F13A1: variants seen among roughly 807,000 people sequenced by gnomAD.
The protein encoded by F13A1 is FSF, A subunit.
A neutral mutation model predicts 80.1 loss-of-function variants in F13A1; 47 were observed. The observed-to-expected ratio is 0.59, with a 90% CI of 0.46 to 0.75. The LOEUF is 0.75. Ranked by LOEUF, F13A1 falls within the 30% of genes least tolerant of loss-of-function variation. The pLI is 0.00. For synonymous variants in F13A1, 349 were observed against 344.9 expected (o/e 1.01, Z -0.13); for missense variants, 817 against 930.4 (o/e 0.88, Z 1.59).
intron 8 of F13A1, among the ~76,000 whole-genome samples, chr6:6,221,103 G>T (rs1285855383): frequency 6.6e-6 from 1 of 152,198 alleles, no homozygotes; most frequent in Non-Finnish European, 1.5e-5. Context: ...TTTTGGCTTA[G>T]AAGTTCTACC....
chr6:6,178,182 G>T lies in F13A1; in HGVS notation c.1460-3315C>A, dbSNP rs1194117089. On this transcript the variant is annotated intron_variant, in intron 11 of 14. Coordinates refer to ENST00000264870, the MANE Select transcript of F13A1 (RefSeq NM_000129.4). ...GGTGAGGTGGAATTGGGAAGCTAGA[G>T]CAAGTATTTTTCCAGGAGAAAACTA... 2.6e-5 allele frequency among the ~76,000 whole-genome samples: 4 copies of T among 152,258 alleles called. No homozygotes were observed. The East Asian group carries it at 5.8e-4, about 22-fold the overall frequency.
chr6:6,267,737 A>AT (rs998186420), intron 3 of F13A1, among the ~76,000 whole-genome samples: 38 of 139,910 alleles, frequency 2.7e-4, no homozygotes, highest in African/African-American at 5.9e-4. Context: ...TTAATGATAG[A>AT]TTTAAAAAAA....
intron 3 of F13A1, among the ~76,000 whole-genome samples, chr6:6,276,197 G>A (rs781186785): frequency 2.6e-5 from 4 of 152,164 alleles, no homozygotes; most frequent in Non-Finnish European, 5.9e-5. Context: ...ATGTTCCCAC[G>A]CTCCTCTGCT....
At chr6:6,209,223 A>G (rs1457446241) in intron 8 of F13A1, among the ~76,000 whole-genome samples, 9 of 152,094 alleles carry the variant, frequency 5.9e-5, no homozygotes, top group Non-Finnish European at 1.3e-4. Flanking sequence ...GCCAAGAAAA[A>G]CACAAAAAGA....
rs191344269 is a variant in F13A1 at position 6,194,079 on chromosome 6, T to C, written c.1305+1718A>G. Among the ~76,000 whole-genome samples the C allele has an allele frequency of 2.7e-4, 41 of 152,334 alleles. 2 individuals carry two copies. The highest frequency in any genetic ancestry group is 9.6e-4 in the African/African-American group (40 of 41,574). ...TCCTGCCTCCTCTTTTCCTCATTAT[T>C]GCCATTTGTCTAGCTCATGCCCTTT... is the stretch of plus-strand genomic sequence containing the variant. On this transcript the variant is annotated intron_variant, in intron 10 of 14. Coordinates refer to ENST00000264870, the MANE Select transcript of F13A1 (RefSeq NM_000129.4).
chr6:6,319,611 C>T (rs1295390507), intron 1 of F13A1, among the ~76,000 whole-genome samples: 1 of 152,094 alleles, frequency 6.6e-6, no homozygotes, highest in Admixed American at 6.5e-5. Context: ...CCCCTTGATC[C>T]CCTGGATTAC....
chr6:6,187,169 A>G (rs1761094176), intron 10 of F13A1, among the ~76,000 whole-genome samples: 2 of 129,218 alleles, frequency 1.5e-5, no homozygotes, highest in South Asian at 5.1e-4. Flanking sequence ...GTCATCTGCA[A>G]ACAGGGACAA....
At chr6:6,266,225 T>G (rs1377308576) in intron 4 of F13A1, among the ~76,000 whole-genome samples, 1 of 152,170 alleles carries the variant, frequency 6.6e-6, no homozygotes, top group Admixed American at 6.5e-5. Context: ...TGGAAATACA[T>G]GAGCTTGTTT....
chr6:6,288,210 TATACA>T (rs1378096907), intron 3 of F13A1, among the ~76,000 whole-genome samples: 11 of 152,196 alleles, frequency 7.2e-5, no homozygotes, highest in African/African-American at 1.9e-4. Context: ...AATTTTGAAA[TATACA>T]ATACATTATT....
At chr6:6,196,557 G>A (rs1029206820) in intron 9 of F13A1, among the ~76,000 whole-genome samples, 1 of 152,156 alleles carries the variant, frequency 6.6e-6, no homozygotes, top group African/African-American at 2.4e-5. Flanking sequence ...AATATCCATT[G>A]AATGTTTATG....
intron 6 of F13A1, among the ~76,000 whole-genome samples, chr6:6,235,644 G>A (rs576330254): frequency 5.9e-5 from 9 of 152,100 alleles, no homozygotes; most frequent in African/African-American, 1.9e-4. Flanking sequence ...TGAAGTGTCC[G>A]GGAGGATATG....
At chr6:6,226,767 G>A (rs1024921321) in intron 6 of F13A1, among the ~76,000 whole-genome samples, 1 of 152,218 alleles carries the variant, frequency 6.6e-6, no homozygotes, top group Non-Finnish European at 1.5e-5. Context: ...TATAGGAAAT[G>A]TATATTTGAG....
chr6:6,205,124 AAAG>A (rs1561653764), intron 8 of F13A1, among the ~76,000 whole-genome samples: 1 of 152,222 alleles, frequency 6.6e-6, no homozygotes, highest in Non-Finnish European at 1.5e-5. Flanking sequence ...CGCCAAGAAA[AAAG>A]AAGAAATGAA....
At chr6:6,282,555 A>T (rs1295353706) in intron 3 of F13A1, among the ~76,000 whole-genome samples, 1 of 152,204 alleles carries the variant, frequency 6.6e-6, no homozygotes, top group East Asian at 1.9e-4. Flanking sequence ...ATAACTTTGC[A>T]GGGGTAACCC....
At chr6:6,201,559 A>C (rs1761394108) in intron 8 of F13A1, among the ~76,000 whole-genome samples, 1 of 152,226 alleles carries the variant, frequency 6.6e-6, no homozygotes, top group East Asian at 1.9e-4. Flanking sequence ...AGGAATGACT[A>C]GGGGAATTGT....
intron 12 of F13A1, among the ~76,000 whole-genome samples, chr6:6,171,632 C>T (rs1318450696): frequency 6.6e-6 from 1 of 152,238 alleles, no homozygotes; most frequent in Non-Finnish European, 1.5e-5. Context: ...CTCAACACAG[C>T]AGCCAGTGGT....
At chr6:6,223,993 C>T (rs900141699) in intron 7 of F13A1, among the ~76,000 whole-genome samples, 3 of 152,206 alleles carry the variant, frequency 2.0e-5, no homozygotes, top group South Asian at 2.1e-4. Context: ...ATTGTAATAT[C>T]GTCTGGGTCT....
chr6:6,213,280 A>G (rs2113038863), intron 8 of F13A1, among the ~76,000 whole-genome samples: 1 of 151,532 alleles, frequency 6.6e-6, no homozygotes, highest in South Asian at 2.1e-4. Context: ...AGCCAGAGAG[A>G]AAGGTCGGGT....
chr6:6,291,188 T>C (rs188721607), intron 3 of F13A1, among the ~76,000 whole-genome samples: 211 of 152,262 alleles, frequency 1.4e-3, no homozygotes, highest in Non-Finnish European at 2.3e-3. Flanking sequence ...CATACCCTCC[T>C]TCACCTCTTT....
Sources: allele counts gnomAD v4.1 joint callset (sites outside exome capture counted in the v4.1 genomes callset), GRCh38; gene constraint gnomAD v4.1.1; transcripts MANE v1.5; gene names NCBI Gene and HGNC (gene_info 2026-07-23, HGNC 2026-07-21).